Variants in STX8 observed in about 807,000 individuals in gnomAD.
STX8 encodes syntaxin-8.
In STX8, 23 loss-of-function variants were observed where a neutral mutation model predicts 37.5. The ratio of observed to expected loss-of-function variants is 0.61; its 90% CI spans 0.44 to 0.87. STX8 has a LOEUF of 0.87. STX8 is among the 40% of genes least tolerant of loss of function. STX8 has a pLI of 0.00. For synonymous variants in STX8, 115 were observed against 99.1 expected (o/e 1.16, Z -0.95); for missense variants, 313 against 284.7 (o/e 1.10, Z -0.71).
intron 6 of STX8, among the ~76,000 whole-genome samples, chr17:9,420,719 G>A (rs144071902): frequency 4.1e-4 from 63 of 152,196 alleles, no homozygotes; most frequent in African/African-American, 1.2e-3. Flanking sequence ...AGCTTGAGGC[G>A]CGATTATTAC....
chr17:9,514,130 C>G (rs1009201485), intron 4 of STX8, among the ~76,000 whole-genome samples: 2 of 152,076 alleles, frequency 1.3e-5, no homozygotes, highest in Non-Finnish European at 2.9e-5. Flanking sequence ...AGGATGACTA[C>G]AGTTAACAAT....
intron 6 of STX8, among the ~76,000 whole-genome samples, chr17:9,391,494 G>A (rs1912217151): frequency 6.6e-6 from 1 of 151,712 alleles, no homozygotes; most frequent in Non-Finnish European, 1.5e-5. Context: ...TCGCTCTGGG[G>A]GGAAAAGGTA....
intron 6 of STX8, among the ~76,000 whole-genome samples, chr17:9,428,752 T>C (rs1001857853): frequency 2.6e-5 from 4 of 152,200 alleles, no homozygotes; most frequent in African/African-American, 9.7e-5. Flanking sequence ...GCAAGATATT[T>C]TGAATCTTTT....
intron 6 of STX8, among the ~76,000 whole-genome samples, chr17:9,399,865 C>CAA (rs201703835): frequency 6.1e-5 from 6 of 98,366 alleles, no homozygotes; most frequent in African/African-American, 1.7e-4. Flanking sequence ...GACTCTGTCT[C>CAA]AAAAAAAAAA....
At chr17:9,274,715 A>AATAAT (rs1555586560) in intron 7 of STX8, among the ~76,000 whole-genome samples, 5,952 of 101,386 alleles carry the variant, frequency 0.059, 405 homozygotes, top group East Asian at 0.088. Context: ...TAATAATAAT[A>AATAAT]AACAAAGTCT....
At chr17:9,315,680 G>A (rs139048624) in intron 7 of STX8, among the ~76,000 whole-genome samples, 122 of 151,946 alleles carry the variant, frequency 8.0e-4, no homozygotes, top group African/African-American at 1.2e-3. Flanking sequence ...GGTTTCTATC[G>A]GAGGCTATGC....
At chr17:9,429,916 TAA>T (rs1429802699) in intron 6 of STX8, among the ~76,000 whole-genome samples, 2 of 8,674 alleles carry the variant, frequency 2.3e-4, no homozygotes, top group African/African-American at 1.2e-3. Context: ...ATATTATATA[TAA>T]TATATATAAT....
intron 7 of STX8, among the ~76,000 whole-genome samples, chr17:9,307,399 G>A (rs113925905): frequency 5.3e-5 from 8 of 152,228 alleles, no homozygotes; most frequent in Non-Finnish European, 1.0e-4. Flanking sequence ...TCCTGACTTC[G>A]GTCTTCCTCT....
chr17:9,534,464 A>C (rs1231234150), intron 4 of STX8, among the ~76,000 whole-genome samples: 2 of 152,206 alleles, frequency 1.3e-5, no homozygotes, highest in Non-Finnish European at 2.9e-5. Flanking sequence ...TTTTGGAATT[A>C]CATTAGCTGA....
At chr17:9,292,275 T>C (rs765418901) in intron 7 of STX8, among the ~76,000 whole-genome samples, 4 of 152,194 alleles carry the variant, frequency 2.6e-5, no homozygotes, top group Non-Finnish European at 4.4e-5. Flanking sequence ...TGGAAGTCAG[T>C]GTCACGGTCT....
At chr17:9,493,480 G>A (rs1220421301) in intron 5 of STX8, among the ~76,000 whole-genome samples, 3 of 152,196 alleles carry the variant, frequency 2.0e-5, no homozygotes, top group Non-Finnish European at 4.4e-5. Context: ...CCCCCTCCTC[G>A]GGCAGGTTTA....
At chr17:9,371,452 A>C (rs1017938500) in intron 7 of STX8, among the ~76,000 whole-genome samples, 1 of 152,194 alleles carries the variant, frequency 6.6e-6, no homozygotes. Context: ...GTATGTGTTC[A>C]TATATAAAAC....
At chr17:9,251,352 CACTT>C (rs1398611792) in intron 7 of STX8, among the ~76,000 whole-genome samples, 2 of 152,206 alleles carry the variant, frequency 1.3e-5, no homozygotes, top group Non-Finnish European at 2.9e-5. Flanking sequence ...ATGCAGCCCT[CACTT>C]AGTGCAATGA....
intron 3 of STX8, among the ~76,000 whole-genome samples, chr17:9,548,268 C>A (rs1906629227): frequency 6.6e-6 from 1 of 151,946 alleles, no homozygotes; most frequent in Non-Finnish European, 1.5e-5. Flanking sequence ...CCATGCCCAG[C>A]TAATTTTTGT....
chr17:9,428,033 A>G (rs1416358460), intron 6 of STX8, among the ~76,000 whole-genome samples: 1 of 152,134 alleles, frequency 6.6e-6, no homozygotes, highest in Non-Finnish European at 1.5e-5. Flanking sequence ...GGGCTGTAGC[A>G]CACAGAACTG....
At chr17:9,454,036 A>G (rs1014698985) in intron 6 of STX8, among the ~76,000 whole-genome samples, 2 of 152,210 alleles carry the variant, frequency 1.3e-5, no homozygotes, top group African/African-American at 4.8e-5. Flanking sequence ...TCATAAAGTT[A>G]AAGTGGAATG....
Position 9,498,078 on chromosome 17 carries a change from T to C in STX8, c.449-6157A>G, listed in dbSNP as rs1012412754. Among the ~76,000 whole-genome samples the C allele has an allele frequency of 4.6e-5, 7 of 151,586 alleles. No homozygotes were observed. In the South Asian group the frequency reaches 1.5e-3, roughly 32 times the overall value. On this transcript the variant is annotated intron_variant, in intron 5 of 7. Transcript: ENST00000306357. ...GGAGCTCTCCCTCAATAAAGGAAGG[T>C]AGGAATGAAAGAGAAGAAAATCAGG...
Position 9,307,137 on chromosome 17 carries a change from AAAGT to A in STX8, c.644-56496_644-56493del, listed in dbSNP as rs201549759. On this transcript the variant is annotated intron_variant, in intron 7 of 7. Transcript: ENST00000306357. ...ACTCCGTCTCAAAAAATAAATAAAT[AAAGT>A]AAGTAAATAAATAAATAAAATGACT... 9.8e-4 allele frequency among the ~76,000 whole-genome samples: 150 copies of A among 152,312 alleles called. 2 individuals are homozygous for A. The East Asian group carries it at 0.024, about 24-fold the overall frequency.
Position 9,544,979 on chromosome 17 carries a change from A to G in STX8, c.323+193T>C, listed in dbSNP as rs536920245. 3.9e-5 allele frequency among the ~76,000 whole-genome samples: 6 copies of G among 152,278 alleles called. No homozygotes were observed. In the East Asian group the frequency reaches 7.7e-4, roughly 20 times the overall value. On this transcript the variant is annotated intron_variant, in intron 4 of 7. Transcript: ENST00000306357. ...CACTGCACTCCAGCCTGGGTGACAG[A>G]GCGAGACTCTGTCTCAAACAAACAA...
Sources: gnomAD v4.1 joint callset for allele counts (sites outside exome capture counted in the v4.1 genomes callset) on GRCh38, gnomAD v4.1.1 for gene constraint, MANE v1.5 for transcripts, NCBI Gene and HGNC (gene_info 2026-07-23, HGNC 2026-07-21) for gene names.